The following CAPN2 variants were observed in gnomAD, a reference collection of about 807,000 sequenced individuals.
CAPN2 encodes the protein calpain 2, also known as calpain-2 catalytic subunit.
In CAPN2, 92 loss-of-function variants were observed where a neutral mutation model predicts 102.3. The observed-to-expected ratio is 0.90, with a 90% CI of 0.76 to 1.07. The LOEUF is 1.07. CAPN2 is among the 50% of genes least tolerant of loss of function. CAPN2 has a pLI of 0.00. For synonymous variants in CAPN2, 340 were observed against 355.4 expected (o/e 0.96, Z 0.49); for missense variants, 800 against 909.4 (o/e 0.88, Z 1.55).
upstream of CAPN2, chr1:223,712,392 G>A (rs1206610094): frequency 3.0e-6 from 3 of 1,014,276 alleles, no homozygotes; most frequent in Admixed American, 1.7e-4. Flanking sequence ...CACCGGCCCC[G>A]GGTCGCGGCG....
intron 16 of CAPN2, among the ~76,000 whole-genome samples, chr1:223,768,313 G>T (rs1246522102): frequency 5.3e-5 from 8 of 150,936 alleles, no homozygotes; most frequent in Non-Finnish European, 7.4e-5. Flanking sequence ...CTAGGGTTTT[G>T]ATGGTTTTAG....
upstream of CAPN2, among the ~76,000 whole-genome samples, chr1:223,707,638 GC>G (rs1659641265): frequency 6.6e-6 from 1 of 152,226 alleles, no homozygotes; most frequent in Non-Finnish European, 1.5e-5. Context: ...ACAGCCTAAA[GC>G]CCTTTGTAAG....
upstream of CAPN2, chr1:223,712,503 C>G: frequency 8.3e-7 from 1 of 1,204,646 alleles, no homozygotes; most frequent in African/African-American, 1.6e-5. Flanking sequence ...GGCCGCTTCC[C>G]TCCGGTGAAT....
intron 9 of CAPN2, among the ~76,000 whole-genome samples, chr1:223,753,525 C>T (rs544227621): frequency 3.9e-4 from 59 of 152,366 alleles, no homozygotes; most frequent in African/African-American, 1.3e-3. Context: ...TGGCTTAGTC[C>T]GTCAGCAGTT....
intron 20 of CAPN2, among the ~76,000 whole-genome samples, chr1:223,773,473 CACCTG>C (rs958644033): frequency 6.6e-6 from 1 of 152,128 alleles, no homozygotes; most frequent in African/African-American, 2.4e-5. Context: ...GCGGGCGAAT[CACCTG>C]AGGTTGGGAG....
Position 223,717,885 on chromosome 1 carries a change from G to A in CAPN2, c.307+54G>A, listed in dbSNP as rs550436303. 8 of 1,378,162 alleles carry A rather than the reference G, an allele frequency of 5.8e-6. No individual in the cohort carries two copies. In the Middle Eastern group the frequency reaches 7.1e-4, roughly 123 times the overall value. 85.4% of individuals were successfully genotyped at this position (1,378,162 alleles called of 1,614,324 possible). A position where few individuals can be genotyped will look rare whatever the true frequency, so the allele number is the denominator to read the frequency against. ...GGATCTTGTCTGTAAGGCTGTGGGT[G>A]GAAGAGATGAGGGACAACCTGTGGC... On this transcript the variant is annotated intron_variant, in intron 2 of 20. Coordinates refer to ENST00000295006, the MANE Select transcript of CAPN2 (RefSeq NM_001748.5).
chr1:223,702,091 G>GAAGGAAGGAAGAA, intron 1 of CAPN2, among the ~76,000 whole-genome samples: 1 of 38,666 alleles, frequency 2.6e-5, no homozygotes, highest in East Asian at 1.1e-3. Flanking sequence ...GGGAGGGAGG[G>GAAGGAAGGAAGAA]AGGAAAGAAG....
chr1:223,759,803 G>A lies in CAPN2; in HGVS notation c.1529+322G>A, dbSNP rs748359377. Reference sequence around the variant, plus strand: ...AATGTTAAACTACGAATCCAGTCTCGTCATTTGAAGAAAGCTGAGCAGTGC... The same window carrying A: ...AATGTTAAACTACGAATCCAGTCTCATCATTTGAAGAAAGCTGAGCAGTGC... On this transcript the variant is annotated intron_variant, in intron 12 of 20. Coordinates refer to ENST00000295006, the MANE Select transcript of CAPN2 (RefSeq NM_001748.5). The surrounding 1 kb of genome is among the most constrained non-coding windows in gnomAD (Gnocchi z 4.6). 4.6e-5 allele frequency among the ~76,000 whole-genome samples: 7 copies of A among 152,142 alleles called. No individual in the cohort carries two copies. Among genetic ancestry groups the A allele is most frequent in the South Asian group, 2.1e-4 (1 of 4,820 alleles).
intron 16 of CAPN2, among the ~76,000 whole-genome samples, chr1:223,768,997 G>T (rs1007023231): frequency 1.3e-5 from 2 of 152,106 alleles, no homozygotes; most frequent in African/African-American, 4.8e-5. Flanking sequence ...TCCTTCCCAG[G>T]CCACCCACCT....
intron 6 of CAPN2, chr1:223,749,410 T>A (rs1660831525): frequency 1.9e-6 from 1 of 525,488 alleles, no homozygotes; most frequent in Non-Finnish European, 3.4e-6. Context: ...ACTATTTTGA[T>A]AAGCTAAAAA....
intron 1 of CAPN2, among the ~76,000 whole-genome samples, chr1:223,714,335 A>G (rs929918361): frequency 6.6e-6 from 1 of 151,962 alleles, no homozygotes; most frequent in Non-Finnish European, 1.5e-5. Flanking sequence ...TCATTTACTC[A>G]CTCATTTGAC....
intron 16 of CAPN2, among the ~76,000 whole-genome samples, chr1:223,766,703 TCCCAG>T (rs1661342413): frequency 6.6e-6 from 1 of 152,172 alleles, no homozygotes; most frequent in Non-Finnish European, 1.5e-5. Flanking sequence ...ATGCCTGTAA[TCCCAG>T]CACTTTGGAA....
At chr1:223,724,030 C>T (rs1284802356) in intron 2 of CAPN2, among the ~76,000 whole-genome samples, 1 of 151,734 alleles carries the variant, frequency 6.6e-6, no homozygotes, top group African/African-American at 2.4e-5. Flanking sequence ...CAGACCACGC[C>T]CCTATACGGC....
upstream of CAPN2, among the ~76,000 whole-genome samples, chr1:223,711,255 C>G (rs374103579): frequency 2.0e-5 from 3 of 152,126 alleles, no homozygotes; most frequent in East Asian, 3.9e-4. Flanking sequence ...CAGTGAAACC[C>G]AAATTCTTCC....
chr1:223,766,456 A>G, intron 16 of CAPN2, 25 bp downstream of exon 16: 1 of 1,552,468 alleles, frequency 6.4e-7, no homozygotes, highest in Non-Finnish European at 8.9e-7. Flanking sequence ...GCTCCAGGGA[A>G]TAGAGACTGG....
At chr1:223,733,960 G>A (rs187756094) in intron 2 of CAPN2, among the ~76,000 whole-genome samples, 12 of 151,570 alleles carry the variant, frequency 7.9e-5, no homozygotes, top group Admixed American at 6.5e-4. Flanking sequence ...GGAGAGAAAC[G>A]GTCCCAACTG....
chr1:223,759,629 T>C lies in CAPN2; in HGVS notation c.1529+148T>C, dbSNP rs554301506. The C allele has an allele frequency of 1.6e-6, 1 of 641,016 alleles. No individual in the cohort carries two copies. Among genetic ancestry groups the C allele is most frequent in the Non-Finnish European group, 2.7e-6 (1 of 372,234 alleles). The allele number at this position is 641,016 out of a possible 1,614,324, so 39.7% of individuals were successfully genotyped here. On this transcript the variant is annotated intron_variant, in intron 12 of 20. Transcript: ENST00000295006. The surrounding 1 kb of genome is among the most constrained non-coding windows in gnomAD (Gnocchi z 4.6). ...CACCTCGAAGGACTAGTGTGGGGAT[T>C]TGATGGATTGAGGAAGTTCTAGTGT...
chr1:223,766,435 T>G lies in CAPN2; in HGVS notation c.1755+4T>G, dbSNP rs1571819123. 3.7e-6 allele frequency: 6 copies of G among 1,605,138 alleles called. No individual in the cohort carries two copies. The highest frequency in any genetic ancestry group is 5.1e-6 in the Non-Finnish European group (6 of 1,171,796). On this transcript the variant is annotated splice_donor_region_variant and intron_variant, in intron 16 of 20. Coordinates refer to ENST00000295006, the MANE Select transcript of CAPN2 (RefSeq NM_001748.5). ...AATTATGGTTGACATGCTAGATGTA[T>G]CCTTTAATGTGCTCCAGGGAATAGA...
intron 15 of CAPN2, 30 bp from the exon 16 acceptor site, chr1:223,766,337 T>A: frequency 6.3e-7 from 1 of 1,580,138 alleles, no homozygotes; most frequent in Non-Finnish European, 8.7e-7. Context: ...GCTCAGAGAT[T>A]TTTCCTGTCA....
Sources: gnomAD v4.1 joint callset for allele counts (sites outside exome capture counted in the v4.1 genomes callset) on GRCh38, gnomAD v4.1.1 for gene constraint, Gnocchi (gnomAD v3.1) non-coding constraint, MANE v1.5 for transcripts, NCBI Gene and HGNC (gene_info 2026-07-23, HGNC 2026-07-21) for gene names.